The following PAX7 variants were observed in gnomAD, a reference collection of about 807,000 sequenced individuals.
PAX7 encodes the protein paired box 7, also known as paired box protein Pax-7.
In PAX7, 18 loss-of-function variants were observed where a neutral mutation model predicts 50.7. That is an observed-to-expected ratio of 0.36 (90% CI 0.25 to 0.53). The LOEUF (loss-of-function observed/expected upper bound fraction) is 0.53. Among genes scored for constraint, PAX7 ranks in the 20% least tolerant of loss-of-function variants. The pLI, the probability that PAX7 is intolerant of heterozygous loss-of-function variation, is 0.93. For synonymous variants in PAX7, 310 were observed against 290.4 expected (o/e 1.07, Z -0.69); for missense variants, 644 against 702.9 (o/e 0.92, Z 0.95).
Position 18,748,864 on chromosome 1 carries a change from G to A in PAX7, c.*3935G>A. 5.1e-6 allele frequency: 1 copy of A among 195,326 alleles called. No homozygotes were observed. Among genetic ancestry groups the A allele is most frequent in the East Asian group, 8.0e-5 (1 of 12,560 alleles). 12.1% of individuals were successfully genotyped at this position (195,326 alleles called of 1,614,324 possible). ...TGTTATACATTAAAAGAAATTAAAA[G>A]CATTTTGAAGGTTTCGTGTACTCAA... On this transcript the variant is annotated 3_prime_UTR_variant, in exon 9 of 9. Coordinates refer to ENST00000420770, the MANE Select transcript of PAX7 (RefSeq NM_001135254.2).
chr1:18,656,382 C>T (rs1477676073), intron 4 of PAX7, among the ~76,000 whole-genome samples: 1 of 152,030 alleles, frequency 6.6e-6, no homozygotes, highest in African/African-American at 2.4e-5. Flanking sequence ...ACCTGTAATC[C>T]CAGCTACTCG....
Position 18,748,020 on chromosome 1 carries a change from C to T in PAX7, c.*3091C>T. On this transcript the variant is annotated 3_prime_UTR_variant, in exon 9 of 9. Transcript: ENST00000420770. The stretch of plus-strand genomic sequence containing the variant: ...AAAGAAGTGATGTGTAAGAACCAAG[C>T]TATGCTTTTATACTTCCATTTTATA... The T allele has an allele frequency of 4.8e-6, 1 of 206,306 alleles. No homozygotes were observed. The highest frequency in any genetic ancestry group is 7.3e-5 in the East Asian group (1 of 13,634). 12.8% of individuals were successfully genotyped at this position (206,306 alleles called of 1,614,324 possible). A position where few individuals can be genotyped will look rare whatever the true frequency, so the allele number is the denominator to read the frequency against.
At chr1:18,638,567 C>T (rs7364475) in intron 4 of PAX7, among the ~76,000 whole-genome samples, 43,269 of 151,978 alleles carry the variant, frequency 0.28, 7,519 homozygotes, top group Middle Eastern at 0.42. Flanking sequence ...GTGCTGGGTG[C>T]GCTGATTGTG....
intron 4 of PAX7, among the ~76,000 whole-genome samples, chr1:18,651,627 T>A (rs944348016): frequency 2.0e-5 from 3 of 152,168 alleles, no homozygotes; most frequent in Non-Finnish European, 4.4e-5. Context: ...TGACTGTGAA[T>A]CCGCAGAATT....
intron 7 of PAX7, among the ~76,000 whole-genome samples, chr1:18,714,206 CAAATAAAT>C (rs10682105): frequency 0.021 from 3,079 of 145,076 alleles, 53 homozygotes; most frequent in Middle Eastern, 0.031. Flanking sequence ...GGCTCCGTCT[CAAATAAAT>C]AAATAAATAA....
chr1:18,680,411 G>C (rs1240167297), intron 4 of PAX7, among the ~76,000 whole-genome samples: 1 of 152,160 alleles, frequency 6.6e-6, no homozygotes, highest in Non-Finnish European at 1.5e-5. Flanking sequence ...TGGCTGGCAG[G>C]CTGGCCAGCC....
chr1:18,631,096 A>T lies in PAX7; in HGVS notation c.-508A>T, dbSNP rs1046380345. On this transcript the variant is annotated 5_prime_UTR_variant, in exon 1 of 9. Transcript: ENST00000420770. ...AGCGAGAGCGAGAGAATAAATATAT[A>T]AATAAATACGAGAACGAAATCCACT... The T allele has an allele frequency of 3.5e-5, 8 of 230,886 alleles. No homozygotes were observed. The highest frequency in any genetic ancestry group is 1.3e-3 in the Middle Eastern group (1 of 780). The allele number at this position is 230,886 out of a possible 1,614,324, so 14.3% of individuals were successfully genotyped here.
At chr1:18,718,532 A>G (rs2089455932) in intron 7 of PAX7, among the ~76,000 whole-genome samples, 1 of 152,124 alleles carries the variant, frequency 6.6e-6, no homozygotes, top group Non-Finnish European at 1.5e-5. Flanking sequence ...GCGAGGTTCC[A>G]TCTTGTAAAC....
At chr1:18,686,223 T>TGGG (rs2088973525) in intron 4 of PAX7, among the ~76,000 whole-genome samples, 2 of 152,200 alleles carry the variant, frequency 1.3e-5, no homozygotes, top group South Asian at 4.1e-4. Flanking sequence ...CCCATGAGAT[T>TGGG]GGGAGGTCTC....
chr1:18,666,166 A>C (rs1156499072), intron 4 of PAX7, among the ~76,000 whole-genome samples: 1 of 152,214 alleles, frequency 6.6e-6, no homozygotes, highest in Non-Finnish European at 1.5e-5. Context: ...CTCAATAAAA[A>C]TAAAAGAAAG....
At chr1:18,650,559 C>T (rs917540066) in intron 4 of PAX7, among the ~76,000 whole-genome samples, 3 of 152,234 alleles carry the variant, frequency 2.0e-5, no homozygotes, top group African/African-American at 7.2e-5. Flanking sequence ...TTTTGCAAGA[C>T]ATACACACCT....
intron 1 of PAX7, among the ~76,000 whole-genome samples, chr1:18,633,646 C>A (rs576391181): frequency 2.0e-5 from 3 of 152,208 alleles, no homozygotes; most frequent in Non-Finnish European, 4.4e-5. Flanking sequence ...CAAGGGACAA[C>A]CAGGTGCCCT....
At chr1:18,724,443 G>T (rs2089531597) in intron 7 of PAX7, among the ~76,000 whole-genome samples, 1 of 152,256 alleles carries the variant, frequency 6.6e-6, no homozygotes, top group Non-Finnish European at 1.5e-5. Flanking sequence ...AACCCTCTCT[G>T]TCTGCTCCAT....
At position 18,726,013 on chromosome 1, in the gene PAX7, CGTGT is replaced by C. The variant is rs1227811164; in HGVS notation, c.1156-9613_1156-9610del. ...GTGTGTGCGCGCGCGCGCGTGCGCG[CGTGT>C]GTGTGCGTGTGTTTGTGTGTGTGTG... On this transcript the variant is annotated intron_variant, in intron 7 of 8. Transcript: ENST00000420770. The surrounding 1 kb of genome is among the most constrained non-coding windows in gnomAD (Gnocchi z 4.8). Among the ~76,000 whole-genome samples, 1 of 147,648 alleles carries C rather than the reference CGTGT, an allele frequency of 6.8e-6. No homozygotes were observed. Among genetic ancestry groups the C allele is most frequent in the Non-Finnish European group, 1.5e-5 (1 of 66,564 alleles).
At chr1:18,714,858 C>A (rs906497205) in intron 7 of PAX7, among the ~76,000 whole-genome samples, 1 of 152,180 alleles carries the variant, frequency 6.6e-6, no homozygotes, top group Non-Finnish European at 1.5e-5. Flanking sequence ...GGAAAGAATG[C>A]AAATAGTGGA....
intron 7 of PAX7, among the ~76,000 whole-genome samples, chr1:18,729,469 C>T (rs1313991175): frequency 2.0e-5 from 3 of 152,190 alleles, no homozygotes; most frequent in Non-Finnish European, 4.4e-5. Context: ...GGTGTATTTA[C>T]ATGCAAGTGT....
intron 4 of PAX7, among the ~76,000 whole-genome samples, chr1:18,666,297 C>T (rs2088668451): frequency 6.6e-6 from 1 of 152,222 alleles, no homozygotes; most frequent in African/African-American, 2.4e-5. Context: ...TGAAGGCCAA[C>T]TCCAAACCTT....
intron 5 of PAX7, among the ~76,000 whole-genome samples, chr1:18,696,065 C>CTTTTTTT (rs386366372): frequency 7.0e-5 from 9 of 128,910 alleles, no homozygotes; most frequent in African/African-American, 2.6e-4. Context: ...CATTTCTTTT[C>CTTTTTTT]TTTTTTTTTT....
chr1:18,702,509 G>A (rs978642886), intron 6 of PAX7, among the ~76,000 whole-genome samples: 4 of 152,094 alleles, frequency 2.6e-5, no homozygotes, highest in African/African-American at 7.2e-5. Context: ...CCTCTGCAAA[G>A]CTGCACAGAA....
Sources: allele counts gnomAD v4.1 joint callset (sites outside exome capture counted in the v4.1 genomes callset), GRCh38; gene constraint gnomAD v4.1.1; non-coding constraint Gnocchi (gnomAD v3.1); transcripts MANE v1.5; gene names NCBI Gene and HGNC (gene_info 2026-07-23, HGNC 2026-07-21).